EXT2: variants seen among roughly 807,000 people sequenced by gnomAD.
The protein encoded by EXT2 is exostosin-2.
A neutral mutation model predicts 81.6 loss-of-function variants in EXT2; 53 were observed. That is an observed-to-expected ratio of 0.65 (90% CI 0.52 to 0.82). EXT2 has a LOEUF of 0.82. Ranked by LOEUF, EXT2 falls within the 40% of genes least tolerant of loss-of-function variation. The probability of loss-of-function intolerance (pLI) is 0.00; values close to 1 mark genes in which losing one functional copy is unlikely to be tolerated. For synonymous variants in EXT2, 320 were observed against 340.0 expected (o/e 0.94, Z 0.65); for missense variants, 774 against 910.2 (o/e 0.85, Z 1.93).
chr11:44,126,800 C>T lies in EXT2; in HGVS notation c.940-16C>T, dbSNP rs2135020101. 6.2e-7 allele frequency: 1 copy of T among 1,614,142 alleles called. No individual in the cohort carries two copies. Among genetic ancestry groups the T allele is most frequent in the Non-Finnish European group, 8.5e-7 (1 of 1,180,018 alleles). On this transcript the variant is annotated splice_polypyrimidine_tract_variant and intron_variant, in intron 5 of 13. Transcript: ENST00000533608. ...AAAACTAGTTTGTAATCTCTTGCCT[C>T]TTTGTGTTCCTGCAGGAGGCTACTT...
rs1027859543 is a variant in EXT2 at position 44,206,726 on chromosome 11, A to T, written c.1496-67A>T. ...ATTCTCCCATCTCATTTGTGATGTC[A>T]TGCTTTTACTACTTTATCTCCTCAC... On this transcript the variant is annotated intron_variant, in intron 9 of 13. Transcript: ENST00000533608. The T allele has an allele frequency of 4.5e-6, 7 of 1,554,224 alleles. No homozygotes were observed. The Admixed American group carries it at 1.2e-4, about 26-fold the overall frequency.
chr11:44,195,791 G>T (rs553356381), intron 8 of EXT2, among the ~76,000 whole-genome samples: 1 of 152,290 alleles, frequency 6.6e-6, no homozygotes, highest in South Asian at 2.1e-4. Context: ...CCACCTTCTG[G>T]CAAAGATGGA....
intron 10 of EXT2, among the ~76,000 whole-genome samples, chr11:44,208,364 A>G (rs770815063): frequency 2.6e-5 from 4 of 152,228 alleles, no homozygotes; most frequent in Non-Finnish European, 5.9e-5. Context: ...CAGTTGGTCT[A>G]AAGGAAGACT....
intron 3 of EXT2, among the ~76,000 whole-genome samples, chr11:44,112,687 G>A (rs1304164008): frequency 6.6e-6 from 1 of 152,202 alleles, no homozygotes; most frequent in Non-Finnish European, 1.5e-5. Context: ...ATGATCTTCA[G>A]CGTAAGGCAT....
At chr11:44,222,486 G>A (rs1348380875) in intron 10 of EXT2, among the ~76,000 whole-genome samples, 1 of 152,176 alleles carries the variant, frequency 6.6e-6, no homozygotes, top group African/African-American at 2.4e-5. Context: ...GTAAGGGGTT[G>A]TTCAAAGTAT....
chr11:44,125,020 G>C, intron 5 of EXT2, 36 bp downstream of exon 5: 2 of 1,603,982 alleles, frequency 1.2e-6, no homozygotes, highest in Non-Finnish European at 8.5e-7. Context: ...AAAGGCTCAG[G>C]AGAGTTTGCT....
intron 12 of EXT2, 24 bp from the exon 13 acceptor site, chr11:44,236,269 T>TA: frequency 6.2e-7 from 1 of 1,605,676 alleles, no homozygotes; most frequent in South Asian, 1.1e-5. Flanking sequence ...GACAGCCAGG[T>TA]ATGTTTTTGT....
At chr11:44,137,192 A>G (rs889152090) in intron 7 of EXT2, among the ~76,000 whole-genome samples, 3 of 152,226 alleles carry the variant, frequency 2.0e-5, no homozygotes, top group African/African-American at 4.8e-5. Flanking sequence ...GACTTTTACC[A>G]AGTATCTGAT....
At chr11:44,190,449 C>A (rs938810777) in intron 8 of EXT2, among the ~76,000 whole-genome samples, 1 of 152,128 alleles carries the variant, frequency 6.6e-6, no homozygotes, top group African/African-American at 2.4e-5. Flanking sequence ...GTATAGCAGG[C>A]CTGTCCTCTT....
In EXT2 at chr11:44,244,310, G is replaced by T; in HGVS notation, c.*23G>T. The T allele has an allele frequency of 6.2e-7, 1 of 1,613,736 alleles. No homozygotes were observed. The highest frequency in any genetic ancestry group is 1.1e-5 in the South Asian group (1 of 91,050). On this transcript the variant is annotated 3_prime_UTR_variant, in exon 14 of 14. Transcript: ENST00000533608. ...TGAAACGTGTCATTGGTGGAGGTCTGAATGTGAGGCTGGGACAGAGGGAGA... is the reference window on the plus strand; with the variant it reads ...TGAAACGTGTCATTGGTGGAGGTCTTAATGTGAGGCTGGGACAGAGGGAGA...
intron 7 of EXT2, among the ~76,000 whole-genome samples, chr11:44,163,301 A>G (rs1410223989): frequency 3.3e-5 from 5 of 152,236 alleles, no homozygotes; most frequent in African/African-American, 1.2e-4. Flanking sequence ...AACTAAAAGT[A>G]AGGATGCTTG....
At chr11:44,122,222 G>A (rs1427948100) in intron 4 of EXT2, among the ~76,000 whole-genome samples, 1 of 152,086 alleles carries the variant, frequency 6.6e-6, no homozygotes, top group Admixed American at 6.5e-5. Context: ...CTTGATGCAT[G>A]ACTTTTCAGT....
chr11:44,130,295 G>A (rs1703403542), intron 7 of EXT2, among the ~76,000 whole-genome samples, 157 bp downstream of exon 7: 2 of 152,158 alleles, frequency 1.3e-5, no homozygotes, highest in African/African-American at 4.8e-5. Flanking sequence ...TGTTAGGTGA[G>A]TTGCATCAAA....
chr11:44,148,670 AT>A (rs1260184421), intron 7 of EXT2, among the ~76,000 whole-genome samples: 1 of 152,230 alleles, frequency 6.6e-6, no homozygotes, highest in East Asian at 1.9e-4. Context: ...TAACTGCCTA[AT>A]TTAATCAACA....
At chr11:44,106,531 T>C (rs1018076543) in intron 1 of EXT2, among the ~76,000 whole-genome samples, 2 of 152,236 alleles carry the variant, frequency 1.3e-5, no homozygotes, top group African/African-American at 2.4e-5. Context: ...AGCTTTGTTT[T>C]CTCTCCCTCA....
intron 10 of EXT2, 89 bp from the exon 11 acceptor site, chr11:44,232,264 G>A (rs1424352763): frequency 9.0e-6 from 14 of 1,557,562 alleles, no homozygotes; most frequent in South Asian, 1.1e-5. Flanking sequence ...TTGAACCTAG[G>A]AAGTCTGTTG....
chr11:44,121,943 G>A (rs1383845329), intron 4 of EXT2, among the ~76,000 whole-genome samples: 1 of 152,018 alleles, frequency 6.6e-6, no homozygotes, highest in African/African-American at 2.4e-5. Context: ...ACCCCACTAG[G>A]GCTTGAACAT....
At chr11:44,230,128 G>A (rs1955881813) in intron 10 of EXT2, among the ~76,000 whole-genome samples, 1 of 152,188 alleles carries the variant, frequency 6.6e-6, no homozygotes, top group Non-Finnish European at 1.5e-5. Context: ...TCTCAAAGTA[G>A]TTGACATTTA....
intron 12 of EXT2, 80 bp from the exon 13 acceptor site, chr11:44,236,213 G>C (rs769096439): frequency 1.6e-5 from 19 of 1,223,480 alleles, no homozygotes; most frequent in Non-Finnish European, 2.2e-5. Context: ...CAACACAAAA[G>C]AATGCAGTGT....
Sources: allele counts gnomAD v4.1 joint callset (sites outside exome capture counted in the v4.1 genomes callset), GRCh38; gene constraint gnomAD v4.1.1; transcripts MANE v1.5; gene names NCBI Gene and HGNC (gene_info 2026-07-23, HGNC 2026-07-21).